SMCHD1: variants seen among roughly 807,000 people sequenced by gnomAD.
SMCHD1 encodes the protein structural maintenance of chromosomes flexible hinge domain-containing protein 1.
Under a neutral mutation model 254.7 loss-of-function variants are expected in SMCHD1, and 78 were observed. That is an observed-to-expected ratio of 0.31 (90% CI 0.26 to 0.37). The LOEUF (loss-of-function observed/expected upper bound fraction) is 0.37, where lower values mean the gene tolerates loss of function less well. Among genes scored for constraint, SMCHD1 ranks in the 10% least tolerant of loss-of-function variants. The probability of loss-of-function intolerance (pLI) is 1.00; values close to 1 mark genes in which losing one functional copy is unlikely to be tolerated. For missense variants in SMCHD1, 1,840 were observed against 2,408.1 expected, an observed-to-expected ratio of 0.76 and a Z score of 4.94; for synonymous variants, 766 against 794.9, an observed-to-expected ratio of 0.96 and a Z score of 0.61.
intron 34 of SMCHD1, among the ~76,000 whole-genome samples, chr18:2,757,893 T>A (rs72866503): frequency 0.19 from 29,225 of 151,940 alleles, 3,072 homozygotes; most frequent in South Asian, 0.27. Flanking sequence ...TATTATTATT[T>A]TTTTCTTGCA....
At chr18:2,759,357 G>T (rs2075739238) in intron 34 of SMCHD1, among the ~76,000 whole-genome samples, 1 of 152,022 alleles carries the variant, frequency 6.6e-6, no homozygotes. Context: ...AGGTTTACCT[G>T]TGCTGCTAGA....
intron 30 of SMCHD1, among the ~76,000 whole-genome samples, chr18:2,748,004 A>G (rs1048910497): frequency 6.6e-6 from 1 of 152,204 alleles, no homozygotes; most frequent in African/African-American, 2.4e-5. Flanking sequence ...AGGAACAGGC[A>G]TTATTGGGGA....
rs2143682631 is a variant in SMCHD1, at chr18:2,760,629, TCTTAA to T, written c.4347-19_4347-15del. 7.7e-7 allele frequency: 1 copy of T among 1,292,362 alleles called. No homozygotes were observed. The highest frequency in any genetic ancestry group is 1.2e-5 in the South Asian group (1 of 83,666). The allele number at this position is 1,292,362 out of a possible 1,614,324, so 80.1% of individuals were successfully genotyped here. On this transcript the variant is annotated intron_variant, in intron 34 of 47. Coordinates refer to ENST00000320876, the MANE Select transcript of SMCHD1 (RefSeq NM_015295.3). ...CCCTTTATACAAACATTGTCAGTAA[TCTTAA>T]CTTTCTTTTAAATTTAGGGATAAAG...
chr18:2,706,940 C>G (rs2074528545), intron 15 of SMCHD1, among the ~76,000 whole-genome samples: 1 of 152,044 alleles, frequency 6.6e-6, no homozygotes, highest in Non-Finnish European at 1.5e-5. Context: ...GGGAAGCAAG[C>G]CATGTCTTAC....
chr18:2,790,555 T>C (rs1421825972), intron 45 of SMCHD1, among the ~76,000 whole-genome samples: 1 of 151,946 alleles, frequency 6.6e-6, no homozygotes, highest in Admixed American at 6.6e-5. Flanking sequence ...AGGTCAGGAA[T>C]TCAAGACCAG....
In SMCHD1 at chr18:2,769,248, A is replaced by G. The variant is rs983771557; in HGVS notation, c.4720-446A>G. Among the ~76,000 whole-genome samples, 13 of 152,220 alleles carry G rather than the reference A, an allele frequency of 8.5e-5. No homozygotes were observed. In the East Asian group the frequency reaches 1.9e-3, roughly 23 times the overall value. On this transcript the variant is annotated intron_variant, in intron 37 of 47. Coordinates refer to ENST00000320876, the MANE Select transcript of SMCHD1 (RefSeq NM_015295.3). Reference sequence around the variant, plus strand: ...TGTCACCTGGGACTTTGATGGGTCTATTTCCATGTTAACAGCTGTAACTTA... The same window carrying G: ...TGTCACCTGGGACTTTGATGGGTCTGTTTCCATGTTAACAGCTGTAACTTA...
rs2073666894 is a variant in SMCHD1 at position 2,673,511 on chromosome 18, T to C, written c.507+148T>C. The C allele has an allele frequency of 7.8e-6, 5 of 640,604 alleles. No individual in the cohort carries two copies. In the East Asian group the frequency reaches 1.5e-4, roughly 19 times the overall value. The allele number at this position is 640,604 out of a possible 1,614,324, so 39.7% of individuals were successfully genotyped here. On this transcript the variant is annotated intron_variant, in intron 4 of 47. Coordinates refer to ENST00000320876, the MANE Select transcript of SMCHD1 (RefSeq NM_015295.3). ...CATCCATTGTTAAAATTTTTTCACG[T>C]TTTTTTCCTATGCATATATGTATAC...
At chr18:2,676,282 A>G (rs1037524079) in intron 5 of SMCHD1, among the ~76,000 whole-genome samples, 19 of 152,226 alleles carry the variant, frequency 1.2e-4, no homozygotes, top group African/African-American at 4.6e-4. Flanking sequence ...TACTATGAAT[A>G]AAATGTAAGA....
chr18:2,788,016 A>G (rs1182084448), intron 45 of SMCHD1, among the ~76,000 whole-genome samples: 1 of 152,196 alleles, frequency 6.6e-6, no homozygotes, highest in African/African-American at 2.4e-5. Context: ...GTCCTAGGAG[A>G]GAGAAATGCC....
At position 2,778,436 on chromosome 18, in the gene SMCHD1, G is replaced by T. The variant is rs186228632; in HGVS notation, c.5547+197G>T. ...ATTTAAATAGATGTTTTGGGGCTACGAAATTGTCTAAGACTCAAAACAGTG... is the reference window on the plus strand; with the variant it reads ...ATTTAAATAGATGTTTTGGGGCTACTAAATTGTCTAAGACTCAAAACAGTG... On this transcript the variant is annotated intron_variant, in intron 44 of 47. Coordinates refer to ENST00000320876, the MANE Select transcript of SMCHD1 (RefSeq NM_015295.3). Among the ~76,000 whole-genome samples, 7 of 152,266 alleles carry T rather than the reference G, an allele frequency of 4.6e-5. 1 individual carries two copies. The East Asian group carries it at 1.2e-3, about 25-fold the overall frequency.
chr18:2,767,584 C>CTTTTTTTTTTTTTT (rs397858216), intron 37 of SMCHD1, among the ~76,000 whole-genome samples: 2 of 89,250 alleles, frequency 2.2e-5, no homozygotes, highest in African/African-American at 9.2e-5. Flanking sequence ...AACCTATTTC[C>CTTTTTTTTTTTTTT]TTTTTTTTTT....
At chr18:2,689,676 A>G (rs1449390038) in intron 7 of SMCHD1, among the ~76,000 whole-genome samples, 1 of 151,676 alleles carries the variant, frequency 6.6e-6, no homozygotes, top group African/African-American at 2.4e-5. Context: ...CAGTCTTCCA[A>G]CCTTGGCCTC....
chr18:2,747,608 A>C lies in SMCHD1; in HGVS notation c.3888A>C (p.Gln1296His). The change falls in exon 30 of 48, where the codon CAA becomes CAC. Residue 1296 changes from glutamine to histidine, a missense_variant. Gln to His is a conservative substitution (Grantham distance 24, BLOSUM62 0). Transcript: ENST00000320876. Reference sequence around the variant, plus strand: ...AGTGGGATAATCCAGCACCGGTACAACATGTTAAAATAAGTCTTACAAAAG... The same window carrying C: ...AGTGGGATAATCCAGCACCGGTACACCATGTTAAAATAAGTCTTACAAAAG... Reference protein sequence around the residue: ...CDQWDNPAPVQHVKISLTKAS... With the variant: ...CDQWDNPAPVHHVKISLTKAS... The C allele has an allele frequency of 6.2e-7, 1 of 1,607,090 alleles. No individual in the cohort carries two copies. The highest frequency in any genetic ancestry group is 8.5e-7 in the Non-Finnish European group (1 of 1,175,934).
At chr18:2,730,091 T>C (rs1175765391) in intron 24 of SMCHD1, among the ~76,000 whole-genome samples, 1 of 152,240 alleles carries the variant, frequency 6.6e-6, no homozygotes, top group East Asian at 1.9e-4. Context: ...GAAGGACATA[T>C]AAACCTTTAA....
At chr18:2,669,043 T>TAAA (rs550227541) in intron 3 of SMCHD1, among the ~76,000 whole-genome samples, 1 of 139,436 alleles carries the variant, frequency 7.2e-6, no homozygotes, top group Non-Finnish European at 1.6e-5. Flanking sequence ...CCCAGCTAAT[T>TAAA]AAAAAAAAAA....
rs200878199 is a variant in SMCHD1, at chr18:2,763,666, T to C, written c.4596T>C (p.Asp1532=). 6 of 1,581,900 alleles carry C rather than the reference T, an allele frequency of 3.8e-6. No individual in the cohort carries two copies. The highest frequency in any genetic ancestry group is 5.1e-6 in the Non-Finnish European group (6 of 1,169,186). ...TDDYDNHTGI[D]LVGTIIATIK... ...ACTACGACAACCATACTGGAATTGA[T>C]TTGGTTGGCACTATAATAGCCACCA... Residue 1532 remains aspartate, a synonymous_variant, in exon 37 of 48, where the codon GAT becomes GAC. Coordinates refer to ENST00000320876, the MANE Select transcript of SMCHD1 (RefSeq NM_015295.3).
At chr18:2,775,129 A>G (rs1248178514) in intron 41 of SMCHD1, among the ~76,000 whole-genome samples, 1 of 114,720 alleles carries the variant, frequency 8.7e-6, no homozygotes, top group Non-Finnish European at 1.6e-5. Context: ...GTCAGACTGT[A>G]GTGCAGTGGC....
chr18:2,656,022 C>T lies in SMCHD1; in HGVS notation c.-54C>T. 1 of 1,279,836 alleles carries T rather than the reference C, an allele frequency of 7.8e-7. No individual in the cohort carries two copies. The highest frequency in any genetic ancestry group is 9.9e-7 in the Non-Finnish European group (1 of 1,010,712). 79.3% of individuals were successfully genotyped at this position (1,279,836 alleles called of 1,614,324 possible). On this transcript the variant is annotated 5_prime_UTR_variant, in exon 1 of 48. Coordinates refer to ENST00000320876, the MANE Select transcript of SMCHD1 (RefSeq NM_015295.3). Reference sequence around the variant, plus strand: ...AAGGCGCCGCGCGGAGCGCGCACCTCAGCCCTGAGCCCGGCGGCGGCAGGC... The same window carrying T: ...AAGGCGCCGCGCGGAGCGCGCACCTTAGCCCTGAGCCCGGCGGCGGCAGGC...
chr18:2,788,253 C>T (rs1432028559), intron 45 of SMCHD1, among the ~76,000 whole-genome samples: 1 of 151,900 alleles, frequency 6.6e-6, no homozygotes, highest in South Asian at 2.1e-4. Flanking sequence ...CAAATCAGAG[C>T]ATAAGAAAAA....
Sources: allele counts gnomAD v4.1 joint callset (sites outside exome capture counted in the v4.1 genomes callset), GRCh38; gene constraint gnomAD v4.1.1; transcripts MANE v1.5; gene names NCBI Gene and HGNC (gene_info 2026-07-23, HGNC 2026-07-21).